Variants in PTBP3 observed in about 807,000 individuals in gnomAD.
The protein encoded by PTBP3 is polypyrimidine tract-binding protein 3.
PTBP3 carries 20 observed loss-of-function variants against 58.7 expected under a neutral mutation model. The ratio of observed to expected loss-of-function variants is 0.34; its 90% CI spans 0.24 to 0.50. PTBP3 has a LOEUF of 0.50. PTBP3 is among the 20% of genes least tolerant of loss of function. The probability of loss-of-function intolerance (pLI) is 0.98; values close to 1 mark genes in which losing one functional copy is unlikely to be tolerated. For synonymous variants in PTBP3, 185 were observed against 219.8 expected, an observed-to-expected ratio of 0.84 and a Z score of 1.40; for missense variants, 509 against 637.2, an observed-to-expected ratio of 0.80 and a Z score of 2.17.
chr9:112,226,374 T>C (rs747495293), intron 12 of PTBP3, among the ~76,000 whole-genome samples: 19 of 152,110 alleles, frequency 1.2e-4, no homozygotes, highest in Admixed American at 2.0e-4. Context: ...CTCAATAATG[T>C]TCCAGACTTC....
the PTBP3 span, among the ~76,000 whole-genome samples, chr9:112,357,932 A>G: frequency 5.3e-5 from 8 of 152,138 alleles, no homozygotes; most frequent in African/African-American, 1.7e-4. Flanking sequence ...CAACAATGTA[A>G]ATGTACTTAA....
Position 112,297,826 on chromosome 9 carries a change from ACTCACC to A in PTBP3, c.34_34+5del. The A allele has an allele frequency of 6.5e-7, 1 of 1,548,332 alleles. No homozygotes were observed. Among genetic ancestry groups the A allele is most frequent in the South Asian group, 1.2e-5 (1 of 80,702 alleles). On this transcript the variant is annotated splice_donor_variant and splice_donor_5th_base_variant and coding_sequence_variant and intron_variant, in exon 2 of 14. Coordinates refer to ENST00000374257, the MANE Select transcript of PTBP3 (RefSeq NM_001163788.4). LOFTEE classifies it high-confidence loss of function. ...ATCAAATATTAAAAAAAAAAAAAAA[ACTCACC>A]ATACACACCTGTAGAAGGAGTAGAA...
At position 112,303,865 on chromosome 9, in the gene PTBP3, A is replaced by ATCAG. The variant is rs142872238; in HGVS notation, c.-51-5950_-51-5949insCTGA. ...GGCGACAGAGTGAGACTCCGTCTCA[A>ATCAG]TCAATCAATCAATACTACAGGCTGG... On this transcript the variant is annotated intron_variant, in intron 1 of 13. Transcript: ENST00000374257. Among the ~76,000 whole-genome samples, 695 of 132,474 alleles carry ATCAG rather than the reference A, an allele frequency of 5.2e-3. 7 individuals are homozygous for ATCAG. The highest frequency in any genetic ancestry group is 0.019 in the African/African-American group (651 of 34,782). 86.9% of individuals were successfully genotyped at this position (132,474 alleles called of 152,430 possible).
chr9:112,274,585 T>C (rs1177834291), intron 3 of PTBP3, among the ~76,000 whole-genome samples: 1 of 152,196 alleles, frequency 6.6e-6, no homozygotes, highest in Non-Finnish European at 1.5e-5. Flanking sequence ...CAGAAACAAG[T>C]TTCCTTATTC....
intron 1 of PTBP3, among the ~76,000 whole-genome samples, chr9:112,316,568 C>A (rs1829711363): frequency 6.6e-6 from 1 of 152,140 alleles, no homozygotes; most frequent in South Asian, 2.1e-4. Context: ...TAACCCACGC[C>A]CAGATTCCTG....
intron 12 of PTBP3, among the ~76,000 whole-genome samples, chr9:112,226,030 G>A (rs887310873): frequency 1.3e-5 from 2 of 151,792 alleles, no homozygotes; most frequent in Non-Finnish European, 2.9e-5. Flanking sequence ...GGCAACAGAG[G>A]GAGACCCTGT....
chr9:112,354,031 C>G, the PTBP3 span, among the ~76,000 whole-genome samples: 141,231 of 152,166 alleles, frequency 0.93, 65,623 homozygotes, highest in South Asian at 0.95. Flanking sequence ...TCCTTTTCGG[C>G]TATCTGAGAC....
chr9:112,233,961 G>A (rs10817294), intron 8 of PTBP3, among the ~76,000 whole-genome samples: 14 of 151,254 alleles, frequency 9.3e-5, no homozygotes, highest in African/African-American at 2.9e-4. Context: ...GAGAGAGAGA[G>A]AGTAGTTAAA....
chr9:112,375,691 C>T, the PTBP3 span, among the ~76,000 whole-genome samples: 2 of 152,094 alleles, frequency 1.3e-5, no homozygotes, highest in African/African-American at 4.8e-5. Flanking sequence ...CCTTCAGGAC[C>T]TGCTAGAGCC....
the PTBP3 span, among the ~76,000 whole-genome samples, chr9:112,351,812 C>T: frequency 6.6e-6 from 1 of 152,158 alleles, no homozygotes; most frequent in East Asian, 1.9e-4. Context: ...TTTGACATAC[C>T]CCTCATCAAT....
intron 1 of PTBP3, chr9:112,332,838 G>A (rs778406839): frequency 6.2e-7 from 1 of 1,612,170 alleles, no homozygotes; most frequent in Non-Finnish European, 8.5e-7. Flanking sequence ...AGGGGGAAGC[G>A]TCCATGGTCA....
At chr9:112,332,724 T>C in intron 1 of PTBP3, 1 of 1,594,666 alleles carries the variant, frequency 6.3e-7, no homozygotes, top group Non-Finnish European at 8.6e-7. Context: ...CGGACCCCCA[T>C]TAAATTTTTG....
intron 2 of PTBP3, 65 bp from the exon 3 acceptor site, chr9:112,276,078 C>A: frequency 7.2e-7 from 1 of 1,398,042 alleles, no homozygotes; most frequent in South Asian, 1.2e-5. Context: ...CTACATTAAT[C>A]ATATTGTCAC....
At chr9:112,236,800 T>A (rs1284076733) in intron 7 of PTBP3, among the ~76,000 whole-genome samples, 7 of 152,254 alleles carry the variant, frequency 4.6e-5, no homozygotes, top group Non-Finnish European at 5.9e-5. Context: ...AGGGTTTATA[T>A]CTGCTCCCTT....
At chr9:112,300,492 C>T (rs1230293578) in intron 1 of PTBP3, among the ~76,000 whole-genome samples, 1 of 152,242 alleles carries the variant, frequency 6.6e-6, no homozygotes. Flanking sequence ...GTGGCTCACG[C>T]CTGTAATCCC....
At chr9:112,245,443 T>C (rs539900051) in intron 7 of PTBP3, among the ~76,000 whole-genome samples, 8 of 152,036 alleles carry the variant, frequency 5.3e-5, no homozygotes, top group African/African-American at 1.9e-4. Flanking sequence ...TCTTGAAGAG[T>C]TACCAATATG....
At chr9:112,231,846 C>T (rs1835213117) in intron 9 of PTBP3, among the ~76,000 whole-genome samples, 1 of 151,082 alleles carries the variant, frequency 6.6e-6, no homozygotes, top group South Asian at 2.1e-4. Context: ...AAGCAGAGGT[C>T]ACAGTGAGTG....
intron 1 of PTBP3, among the ~76,000 whole-genome samples, chr9:112,308,211 G>C (rs781631748): frequency 3.3e-5 from 5 of 151,720 alleles, no homozygotes; most frequent in Non-Finnish European, 7.4e-5. Context: ...ATTTTTTGTA[G>C]GGATGTGGTC....
At chr9:112,329,926 G>A (rs1370137912) in intron 1 of PTBP3, among the ~76,000 whole-genome samples, 2 of 148,446 alleles carry the variant, frequency 1.3e-5, no homozygotes, top group Non-Finnish European at 3.0e-5. Flanking sequence ...ACTCACTGCA[G>A]CCTTGACTTC....
Sources: allele counts gnomAD v4.1 joint callset (sites outside exome capture counted in the v4.1 genomes callset), GRCh38; gene constraint gnomAD v4.1.1; transcripts MANE v1.5; gene names NCBI Gene and HGNC (gene_info 2026-07-23, HGNC 2026-07-21).